NPAS3: variants seen among roughly 807,000 people sequenced by gnomAD.
NPAS3 encodes neuronal PAS domain-containing protein 3.
Under a neutral mutation model 73.1 loss-of-function variants are expected in NPAS3, and 14 were observed. That is an observed-to-expected ratio of 0.19 (90% CI 0.13 to 0.30). The LOEUF (loss-of-function observed/expected upper bound fraction) is 0.30. Ranked by LOEUF, NPAS3 falls within the 10% of genes least tolerant of loss-of-function variation. NPAS3 has a pLI of 1.00. For missense variants in NPAS3, 1,096 were observed against 1,250.0 expected (o/e 0.88, Z 1.86); for synonymous variants, 620 against 541.5 (o/e 1.14, Z -2.01).
intron 5 of NPAS3, among the ~76,000 whole-genome samples, chr14:33,664,497 A>T (rs2059397129): frequency 1.3e-5 from 2 of 152,246 alleles, no homozygotes. Context: ...AGCAATGGCA[A>T]CAAGAGCCAA....
intron 2 of NPAS3, among the ~76,000 whole-genome samples, chr14:33,122,555 A>T (rs916633998): frequency 2.0e-5 from 3 of 152,104 alleles, no homozygotes; most frequent in African/African-American, 4.8e-5. Context: ...TGCTAATACT[A>T]TTATCAGTGA....
downstream of NPAS3, chr14:33,804,009 A>G (rs1435180120): frequency 6.6e-6 from 1 of 152,198 alleles, no homozygotes; most frequent in Non-Finnish European, 1.5e-5. Context: ...TTCATTGACC[A>G]TTGATAATGC....
chr14:33,457,202 C>T (rs762034160), intron 4 of NPAS3, among the ~76,000 whole-genome samples: 1 of 152,180 alleles, frequency 6.6e-6, no homozygotes, highest in Non-Finnish European at 1.5e-5. Context: ...TGTTCTGTAT[C>T]CTGGATACAA....
At chr14:33,461,128 G>A (rs949762200) in intron 4 of NPAS3, among the ~76,000 whole-genome samples, 1 of 152,122 alleles carries the variant, frequency 6.6e-6, no homozygotes, top group African/African-American at 2.4e-5. Flanking sequence ...TATTTACTTA[G>A]GGCCTGCGAG....
At chr14:32,999,510 C>CAA (rs5807698) in intron 1 of NPAS3, among the ~76,000 whole-genome samples, 6 of 143,248 alleles carry the variant, frequency 4.2e-5, no homozygotes, top group African/African-American at 1.3e-4. Context: ...GATTCTATCT[C>CAA]AAAAAAAAAA....
rs1313052598 is a variant in NPAS3, at chr14:33,638,164, G to GTT, written c.559-38045_559-38044dup. ...TTCAGCATACCAAGCACTAGTGACT[G>GTT]TTTGAATTCGGTCTAATCAAATTTT... On this transcript the variant is annotated intron_variant, in intron 5 of 11. Coordinates refer to ENST00000356141, the Ensembl canonical transcript of NPAS3. 2.0e-5 allele frequency among the ~76,000 whole-genome samples: 3 copies of GTT among 152,152 alleles called. No individual in the cohort carries two copies. In the East Asian group the frequency reaches 5.8e-4, roughly 29 times the overall value.
chr14:33,531,144 G>A (rs1341535963), intron 4 of NPAS3, among the ~76,000 whole-genome samples: 1 of 151,998 alleles, frequency 6.6e-6, no homozygotes, highest in Non-Finnish European at 1.5e-5. Flanking sequence ...CATTATATAG[G>A]TACCAGAACT....
intron 2 of NPAS3, among the ~76,000 whole-genome samples, chr14:33,135,251 A>T (rs2043789810): frequency 6.6e-6 from 1 of 152,196 alleles, no homozygotes; most frequent in African/African-American, 2.4e-5. Context: ...TTACTCGTAA[A>T]TTCGGACAAA....
At chr14:33,657,729 A>G (rs2059186307) in intron 5 of NPAS3, among the ~76,000 whole-genome samples, 1 of 152,182 alleles carries the variant, frequency 6.6e-6, no homozygotes, top group Admixed American at 6.5e-5. Context: ...AGTAGTCCTC[A>G]TGGATTTATT....
At chr14:33,058,749 A>G (rs920361481) in intron 2 of NPAS3, among the ~76,000 whole-genome samples, 3 of 152,192 alleles carry the variant, frequency 2.0e-5, no homozygotes, top group South Asian at 4.1e-4. Context: ...ATAACTGCAC[A>G]TATGTGTTTA....
chr14:33,008,718 C>T (rs924339014), intron 1 of NPAS3, among the ~76,000 whole-genome samples: 1 of 152,116 alleles, frequency 6.6e-6, no homozygotes, highest in African/African-American at 2.4e-5. Context: ...ATTCTACCTC[C>T]CATAGAATGG....
At chr14:33,028,576 A>G (rs2039885457) in intron 1 of NPAS3, among the ~76,000 whole-genome samples, 1 of 152,184 alleles carries the variant, frequency 6.6e-6, no homozygotes, top group African/African-American at 2.4e-5. Flanking sequence ...ACTCTGTGGA[A>G]TTTATATTTA....
rs549813385 is a variant in NPAS3 at position 33,480,650 on chromosome 14, G to A, written c.469-79471G>A. Among the ~76,000 whole-genome samples, 4 of 150,862 alleles carry A rather than the reference G, an allele frequency of 2.7e-5. No individual in the cohort carries two copies. In the South Asian group the frequency reaches 6.3e-4, roughly 24 times the overall value. ...CCTTACAAATTCACTTCTCAGGATGGCCTGTTGTCTTCCCCACTGTGACCC... is the reference window on the plus strand; with the variant it reads ...CCTTACAAATTCACTTCTCAGGATGACCTGTTGTCTTCCCCACTGTGACCC... On this transcript the variant is annotated intron_variant, in intron 4 of 11. Transcript: ENST00000356141.
intron 3 of NPAS3, among the ~76,000 whole-genome samples, chr14:33,292,397 A>G (rs1232154874): frequency 2.6e-5 from 4 of 152,022 alleles, no homozygotes; most frequent in South Asian, 2.1e-4. Context: ...GGACACGTGA[A>G]CTCCCTTCAG....
chr14:33,653,720 C>T lies in NPAS3; in HGVS notation c.559-22491C>T, dbSNP rs532160089. ...AGGTCAAACAGGTAGCAAATACTTC[C>T]CTTGGGTAGGTTCCCTGAAAAGACA... On this transcript the variant is annotated intron_variant, in intron 5 of 11. Coordinates refer to ENST00000356141, the Ensembl canonical transcript of NPAS3. Among the ~76,000 whole-genome samples, 5 of 152,282 alleles carry T rather than the reference C, an allele frequency of 3.3e-5. No homozygotes were observed. In the South Asian group the frequency reaches 6.2e-4, roughly 19 times the overall value.
At chr14:33,379,066 A>G (rs2046427237) in intron 4 of NPAS3, among the ~76,000 whole-genome samples, 1 of 152,204 alleles carries the variant, frequency 6.6e-6, no homozygotes, top group Non-Finnish European at 1.5e-5. Context: ...TTGTGCACAC[A>G]ATTATTAAAA....
At chr14:33,621,708 AG>A (rs1225383015) in intron 5 of NPAS3, among the ~76,000 whole-genome samples, 2 of 152,232 alleles carry the variant, frequency 1.3e-5, no homozygotes, top group African/African-American at 2.4e-5. Context: ...CTCACAAATT[AG>A]AGAAATGTCT....
At chr14:33,675,440 A>T (rs970894662) in intron 5 of NPAS3, among the ~76,000 whole-genome samples, 1 of 152,158 alleles carries the variant, frequency 6.6e-6, no homozygotes, top group Non-Finnish European at 1.5e-5. Flanking sequence ...CTCTGCCTTT[A>T]GAGTTAGTTA....
intron 2 of NPAS3, among the ~76,000 whole-genome samples, chr14:33,147,775 TAAAA>T (rs943048624): frequency 1.4e-5 from 2 of 140,416 alleles, no homozygotes; most frequent in Non-Finnish European, 3.0e-5. Flanking sequence ...AAGTTTGGAT[TAAAA>T]AAAGTATGCA....
Sources: gnomAD v4.1 joint callset for allele counts (sites outside exome capture counted in the v4.1 genomes callset) on GRCh38, gnomAD v4.1.1 for gene constraint, MANE v1.5 for transcripts, NCBI Gene and HGNC (gene_info 2026-07-23, HGNC 2026-07-21) for gene names.